The following CHST9 variants were observed in gnomAD, a reference collection of about 807,000 sequenced individuals.
CHST9 encodes the protein carbohydrate sulfotransferase 9.
In CHST9, 41 loss-of-function variants were observed where a neutral mutation model predicts 44.4. That is an observed-to-expected ratio of 0.92 (90% CI 0.72 to 1.20). The LOEUF (loss-of-function observed/expected upper bound fraction) is 1.20, where lower values mean the gene tolerates loss of function less well. Ranked by LOEUF, CHST9 falls within the 50% of genes most tolerant of loss-of-function variation. The pLI, the probability that CHST9 is intolerant of heterozygous loss-of-function variation, is 0.00. For missense variants in CHST9, 504 were observed against 516.5 expected (o/e 0.98, Z 0.23); for synonymous variants, 171 against 178.4 (o/e 0.96, Z 0.33).
chr18:26,952,310 G>T (rs2056260431), intron 4 of CHST9: 1 of 516,726 alleles, frequency 1.9e-6, no homozygotes, highest in Non-Finnish European at 3.9e-6. Context: ...AATCCCCATT[G>T]TGGATCTCAA....
intron 1 of CHST9, among the ~76,000 whole-genome samples, chr18:27,176,490 A>C (rs947743067): frequency 1.3e-5 from 2 of 152,026 alleles, no homozygotes; most frequent in African/African-American, 4.8e-5. Flanking sequence ...AAGTAATGTC[A>C]AGATTAAAAC....
chr18:27,167,780 T>C (rs897614132), intron 1 of CHST9, among the ~76,000 whole-genome samples: 2 of 152,180 alleles, frequency 1.3e-5, no homozygotes, highest in Admixed American at 6.5e-5. Flanking sequence ...GAAGGTGATA[T>C]CTAAGCTGCG....
At chr18:27,176,737 C>A (rs1488615567) in intron 1 of CHST9, among the ~76,000 whole-genome samples, 1 of 151,934 alleles carries the variant, frequency 6.6e-6, no homozygotes, top group Non-Finnish European at 1.5e-5. Flanking sequence ...CTGGTTAGTA[C>A]TTGGTATATG....
At chr18:26,998,752 A>AG (rs369577182) in intron 4 of CHST9, among the ~76,000 whole-genome samples, 2 of 151,722 alleles carry the variant, frequency 1.3e-5, no homozygotes, top group African/African-American at 2.4e-5. Flanking sequence ...AAAAAAAAAA[A>AG]AAAGAAAGAA....
chr18:27,080,568 T>A (rs1332729510), intron 2 of CHST9, among the ~76,000 whole-genome samples: 1 of 152,206 alleles, frequency 6.6e-6, no homozygotes, highest in Non-Finnish European at 1.5e-5. Context: ...TAATAGGCAT[T>A]CAGTGAATAC....
Position 26,910,896 on chromosome 18 carries a change from G to A in CHST9, c.*5363C>T, listed in dbSNP as rs568519065. On this transcript the variant is annotated 3_prime_UTR_variant, in exon 6 of 6. Transcript: ENST00000618847. ...GTATTTTTCCCGTGTCTGCTACTGA[G>A]TAGATCCTCAGTAAATGGCTCTTAT... The A allele has an allele frequency of 6.6e-6, 1 of 152,284 alleles. No individual in the cohort carries two copies. The highest frequency in any genetic ancestry group is 1.9e-4 in the East Asian group (1 of 5,184). The allele number at this position is 152,284 out of a possible 1,614,324, so 9.4% of individuals were successfully genotyped here.
At chr18:27,050,091 T>C (rs951601747) in intron 2 of CHST9, among the ~76,000 whole-genome samples, 5 of 152,116 alleles carry the variant, frequency 3.3e-5, no homozygotes, top group African/African-American at 1.2e-4. Flanking sequence ...AGAGTAGTTT[T>C]AGCAGAGAGT....
chr18:27,159,703 A>C (rs531841879), intron 1 of CHST9, among the ~76,000 whole-genome samples: 34 of 152,156 alleles, frequency 2.2e-4, no homozygotes, highest in Non-Finnish European at 4.4e-5. Context: ...CTTGGGCAGT[A>C]TGGCCTTCTT....
intron 4 of CHST9, among the ~76,000 whole-genome samples, chr18:26,956,342 T>TAC (rs1327323320): frequency 3.4e-4 from 44 of 129,712 alleles, no homozygotes; most frequent in African/African-American, 1.3e-3. Context: ...TATATATATA[T>TAC]ATACACACAC....
Position 27,009,245 on chromosome 18 carries a change from G to T in CHST9, c.202+14871C>A, listed in dbSNP as rs1237062963. On this transcript the variant is annotated intron_variant, in intron 4 of 5. Transcript: ENST00000618847. ...CTGGACTACACTCTATTTTATGGAT[G>T]ACAAAACCTACAATGGTTAAGTGTG... Among the ~76,000 whole-genome samples, 3 of 152,096 alleles carry T rather than the reference G, an allele frequency of 2.0e-5. No homozygotes were observed. In the East Asian group the frequency reaches 5.8e-4, roughly 29 times the overall value.
chr18:27,183,133 A>G (rs913982646), intron 1 of CHST9, among the ~76,000 whole-genome samples: 1 of 151,958 alleles, frequency 6.6e-6, no homozygotes, highest in Non-Finnish European at 1.5e-5. Context: ...GTGGGGGGAA[A>G]GCAATCAGAT....
At chr18:27,052,373 A>C (rs2057579180) in intron 2 of CHST9, among the ~76,000 whole-genome samples, 1 of 152,104 alleles carries the variant, frequency 6.6e-6, no homozygotes, top group Non-Finnish European at 1.5e-5. Context: ...CACACAAAAC[A>C]TCAAATTAGA....
intron 5 of CHST9, among the ~76,000 whole-genome samples, chr18:26,918,542 G>A (rs2145050860): frequency 6.6e-6 from 1 of 152,034 alleles, no homozygotes; most frequent in South Asian, 2.1e-4. Flanking sequence ...GTGTGTGTGT[G>A]TATACACAAT....
At chr18:27,154,610 A>C (rs1424615253) in intron 1 of CHST9, among the ~76,000 whole-genome samples, 1 of 152,098 alleles carries the variant, frequency 6.6e-6, no homozygotes, top group Non-Finnish European at 1.5e-5. Context: ...CCAGAAAAGA[A>C]CTATACTAGA....
intron 4 of CHST9, among the ~76,000 whole-genome samples, chr18:27,022,767 T>G (rs1473285873): frequency 6.6e-6 from 1 of 152,250 alleles, no homozygotes; most frequent in African/African-American, 2.4e-5. Context: ...CAACTCTTCC[T>G]GTTAGATTTA....
At chr18:26,926,348 A>C (rs1183829560) in intron 5 of CHST9, among the ~76,000 whole-genome samples, 1 of 152,150 alleles carries the variant, frequency 6.6e-6, no homozygotes, top group Admixed American at 6.5e-5. Context: ...AAGCCAAACA[A>C]GCTTAAAATA....
intron 5 of CHST9, among the ~76,000 whole-genome samples, chr18:26,919,052 T>G (rs1145110): frequency 0.33 from 50,261 of 151,922 alleles, 9,055 homozygotes; most frequent in African/African-American, 0.46. Context: ...GCAGGGGAAC[T>G]GCCCTTTATA....
At chr18:26,967,512 C>G (rs1166587414) in intron 4 of CHST9, among the ~76,000 whole-genome samples, 2 of 152,074 alleles carry the variant, frequency 1.3e-5, no homozygotes, top group African/African-American at 2.4e-5. Context: ...GAATAGAAGT[C>G]CTATAATTTT....
At chr18:27,103,926 G>A (rs1304192262) in intron 2 of CHST9, among the ~76,000 whole-genome samples, 1 of 152,144 alleles carries the variant, frequency 6.6e-6, no homozygotes, top group Non-Finnish European at 1.5e-5. Flanking sequence ...AGATTTCTAG[G>A]ATTTACAGGT....
Sources: allele counts gnomAD v4.1 joint callset (sites outside exome capture counted in the v4.1 genomes callset), GRCh38; gene constraint gnomAD v4.1.1; transcripts MANE v1.5; gene names NCBI Gene and HGNC (gene_info 2026-07-23, HGNC 2026-07-21).